Variants in NCKAP5 observed in about 807,000 individuals in gnomAD.
The protein encoded by NCKAP5 is nck-associated protein 5.
NCKAP5 carries 92 observed loss-of-function variants against 167.0 expected under a neutral mutation model. The ratio of observed to expected loss-of-function variants is 0.55; its 90% CI spans 0.47 to 0.66. The LOEUF is 0.66. Among genes scored for constraint, NCKAP5 ranks in the 30% least tolerant of loss-of-function variants. The pLI, the probability that NCKAP5 is intolerant of heterozygous loss-of-function variation, is 0.00. For missense variants in NCKAP5, 2,378 were observed against 2,315.0 expected (o/e 1.03, Z -0.56); for synonymous variants, 891 against 877.4 (o/e 1.02, Z -0.27).
intron 3 of NCKAP5, among the ~76,000 whole-genome samples, chr2:133,431,216 A>G (rs896133883): frequency 6.6e-6 from 1 of 152,168 alleles, no homozygotes; most frequent in African/African-American, 2.4e-5. Context: ...AGAATATTGA[A>G]TAATAATTCC....
chr2:132,817,852 CAG>C (rs1686396386), intron 11 of NCKAP5, among the ~76,000 whole-genome samples: 1 of 152,208 alleles, frequency 6.6e-6, no homozygotes, highest in Non-Finnish European at 1.5e-5. Flanking sequence ...GAAGACAACT[CAG>C]AGTGTATGCT....
At chr2:133,567,084 C>A (rs1434958863) in intron 1 of NCKAP5, among the ~76,000 whole-genome samples, 1 of 152,230 alleles carries the variant, frequency 6.6e-6, no homozygotes, top group Non-Finnish European at 1.5e-5. Flanking sequence ...GCAAGCCAGG[C>A]TCCTGAGTGA....
rs1369442620 is a variant in NCKAP5, at chr2:132,920,755, ATG to A, written c.580-41841_580-41840del. Among the ~76,000 whole-genome samples the A allele has an allele frequency of 1.3e-4, 11 of 84,138 alleles. 1 individual carries two copies. Among genetic ancestry groups the A allele is most frequent in the East Asian group, 3.2e-4 (1 of 3,146 alleles). 55.2% of individuals were successfully genotyped at this position (84,138 alleles called of 152,430 possible). ...TATGTATATATATGTGTATATATATATGTATATATATGTATGTATATATATAT... is the reference window on the plus strand; with the variant it reads ...TATGTATATATATGTGTATATATATATATATATATGTATGTATATATATAT... On this transcript the variant is annotated intron_variant, in intron 8 of 19. Transcript: ENST00000409261.
At position 133,181,231 on chromosome 2, in the gene NCKAP5, T is replaced by A. The variant is rs1468568704; in HGVS notation, c.207+32485A>T. On this transcript the variant is annotated intron_variant, in intron 5 of 19. Transcript: ENST00000409261. The stretch of plus-strand genomic sequence containing the variant: ...TAAAAGGGACAAAGATTTCTGTACT[T>A]TACTTGAACTGGTAAAATGATGACA... Among the ~76,000 whole-genome samples, 4 of 152,046 alleles carry A rather than the reference T, an allele frequency of 2.6e-5. No individual in the cohort carries two copies. The East Asian group carries it at 7.7e-4, about 29-fold the overall frequency.
At chr2:133,056,432 G>A (rs2079804071) in intron 6 of NCKAP5, among the ~76,000 whole-genome samples, 1 of 151,928 alleles carries the variant, frequency 6.6e-6, no homozygotes, top group Non-Finnish European at 1.5e-5. Context: ...CTAATAAATT[G>A]TAAAATTTCT....
chr2:132,785,590 C>T lies in NCKAP5; in HGVS notation c.1221G>A (p.Lys407=), dbSNP rs768954427. 1.3e-6 allele frequency: 2 copies of T among 1,583,020 alleles called. No individual in the cohort carries two copies. Among genetic ancestry groups the T allele is most frequent in the Non-Finnish European group, 1.7e-6 (2 of 1,166,492 alleles). The stretch of plus-strand genomic sequence containing the variant: ...CAAGTAACACTTTTCGCTTCTGTAG[C>T]TTTCTTAGCCCTTCCAAAATGTGGC... ...KESHILEGLR[K]LQKRKVLLEP... Residue 407 remains lysine, a synonymous_variant, in exon 14 of 20, where the codon AAG becomes AAA. Coordinates refer to ENST00000409261, the MANE Select transcript of NCKAP5 (RefSeq NM_207363.3).
intron 15 of NCKAP5, among the ~76,000 whole-genome samples, chr2:132,778,255 G>T (rs940657389): frequency 1.3e-5 from 2 of 152,064 alleles, no homozygotes; most frequent in Non-Finnish European, 2.9e-5. Flanking sequence ...GAGCTAAGTG[G>T]TCTATAAACA....
the NCKAP5 span, among the ~76,000 whole-genome samples, chr2:133,618,222 A>G: frequency 6.6e-6 from 1 of 152,000 alleles, no homozygotes; most frequent in East Asian, 1.9e-4. Context: ...CCTAGGCATT[A>G]CCATTCAGGA....
intron 6 of NCKAP5, among the ~76,000 whole-genome samples, chr2:133,004,555 G>A (rs184554388): frequency 2.0e-5 from 3 of 152,124 alleles, no homozygotes; most frequent in Admixed American, 2.0e-4. Context: ...ATAGGGAGTG[G>A]GTCACAGAGA....
chr2:132,724,463 T>G (rs1690249144), intron 19 of NCKAP5, among the ~76,000 whole-genome samples: 1 of 152,126 alleles, frequency 6.6e-6, no homozygotes, highest in Non-Finnish European at 1.5e-5. Flanking sequence ...GGTGTGTGGC[T>G]GAGGGTTGGT....
chr2:133,392,126 G>A (rs886526035), intron 3 of NCKAP5, among the ~76,000 whole-genome samples: 1 of 152,190 alleles, frequency 6.6e-6, no homozygotes, highest in African/African-American at 2.4e-5. Context: ...GTTATGGGCT[G>A]CATATGGACA....
intron 3 of NCKAP5, among the ~76,000 whole-genome samples, chr2:133,312,577 C>A (rs539186199): frequency 6.6e-6 from 1 of 152,318 alleles, no homozygotes; most frequent in Admixed American, 6.5e-5. Flanking sequence ...CTATTGTGCA[C>A]TCTTCCCCTG....
chr2:132,911,144 G>C (rs1470806284), intron 8 of NCKAP5: 1 of 215,368 alleles, frequency 4.6e-6, no homozygotes, highest in African/African-American at 2.3e-5. Context: ...CTCATGATAG[G>C]GGCCTGACCC....
At chr2:133,080,510 G>A (rs2080765924) in intron 6 of NCKAP5, among the ~76,000 whole-genome samples, 1 of 152,096 alleles carries the variant, frequency 6.6e-6, no homozygotes, top group African/African-American at 2.4e-5. Context: ...CTTACATGTT[G>A]TCTACAGCTG....
chr2:133,579,363 G>A, the NCKAP5 span, among the ~76,000 whole-genome samples: 4 of 152,320 alleles, frequency 2.6e-5, no homozygotes, highest in Admixed American at 1.3e-4. Flanking sequence ...AGGTTTGTCC[G>A]TAAGTGAGAA....
At chr2:132,737,923 C>T (rs541099583) in intron 16 of NCKAP5, among the ~76,000 whole-genome samples, 2 of 152,260 alleles carry the variant, frequency 1.3e-5, no homozygotes, top group East Asian at 1.9e-4. Flanking sequence ...ATTATACTTC[C>T]CAGGCGTCTG....
chr2:132,749,812 C>T (rs72844789), intron 16 of NCKAP5, among the ~76,000 whole-genome samples: 2,008 of 152,126 alleles, frequency 0.013, 20 homozygotes, highest in Admixed American at 0.02. Context: ...CTGATAGGAA[C>T]GGAAATGGTT....
chr2:133,365,059 T>A (rs1049117146), intron 3 of NCKAP5, among the ~76,000 whole-genome samples: 4 of 152,104 alleles, frequency 2.6e-5, no homozygotes, highest in African/African-American at 9.7e-5. Flanking sequence ...CCTTTATAAT[T>A]TGTTTTAACA....
At chr2:133,378,713 C>T (rs1455152943) in intron 3 of NCKAP5, among the ~76,000 whole-genome samples, 1 of 152,186 alleles carries the variant, frequency 6.6e-6, no homozygotes, top group African/African-American at 2.4e-5. Flanking sequence ...CTGTCTCACC[C>T]CAATTCAGAA....
Sources: gnomAD v4.1 joint callset for allele counts (sites outside exome capture counted in the v4.1 genomes callset) on GRCh38, gnomAD v4.1.1 for gene constraint, MANE v1.5 for transcripts, NCBI Gene and HGNC (gene_info 2026-07-23, HGNC 2026-07-21) for gene names.